The following PPP1R7 variants were observed in gnomAD, a reference collection of about 807,000 sequenced individuals.
PPP1R7 encodes the protein protein phosphatase 1 regulatory subunit 22.
In PPP1R7, 18 loss-of-function variants were observed where a neutral mutation model predicts 45.2. The observed-to-expected ratio is 0.40, with a 90% confidence interval of 0.28 to 0.59. PPP1R7 has a LOEUF of 0.59. Ranked by LOEUF, PPP1R7 falls within the 20% of genes least tolerant of loss-of-function variation. The pLI is 0.46. For missense variants in PPP1R7, 314 were observed against 455.8 expected, an observed-to-expected ratio of 0.69 and a Z score of 2.83; for synonymous variants, 181 against 183.4, an observed-to-expected ratio of 0.99 and a Z score of 0.11.
intron 9 of PPP1R7, among the ~76,000 whole-genome samples, chr2:241,172,713 C>T (rs1575403845): frequency 6.6e-6 from 1 of 150,940 alleles, no homozygotes; most frequent in East Asian, 1.9e-4. Context: ...ATTGTTTATT[C>T]TTTCGTGTGG....
At chr2:241,156,689 T>C (rs978348068) in intron 2 of PPP1R7, among the ~76,000 whole-genome samples, 1 of 152,136 alleles carries the variant, frequency 6.6e-6, no homozygotes, top group South Asian at 2.1e-4. Flanking sequence ...AAAAAATTAA[T>C]TTAAAAAAGT....
At chr2:241,173,570 G>C (rs1055101749) in intron 9 of PPP1R7, among the ~76,000 whole-genome samples, 3 of 152,160 alleles carry the variant, frequency 2.0e-5, no homozygotes, top group Non-Finnish European at 2.9e-5. Context: ...TGATGTGTCA[G>C]GGTTAACTGG....
intron 1 of PPP1R7, 76 bp from the exon 2 acceptor site, chr2:241,153,400 C>A: frequency 4.5e-6 from 7 of 1,567,598 alleles, no homozygotes; most frequent in Non-Finnish European, 6.1e-6. Flanking sequence ...TTTTGACTTA[C>A]AACCGGGTGT....
chr2:241,169,936 T>C (rs2067785450), intron 9 of PPP1R7, 69 bp downstream of exon 9: 1 of 1,263,950 alleles, frequency 7.9e-7, no homozygotes, highest in Non-Finnish European at 1.2e-6. Context: ...AAATGTCTTA[T>C]GAATGAATAC....
chr2:241,166,822 G>A (rs1199674235), intron 8 of PPP1R7, among the ~76,000 whole-genome samples: 1 of 152,158 alleles, frequency 6.6e-6, no homozygotes, highest in Non-Finnish European at 1.5e-5. Context: ...CCCTGTATGA[G>A]GGTGACTGGC....
rs1974555 is a variant in PPP1R7 at position 241,183,187 on chromosome 2, T to G, written c.*364T>G. 115,011 of 381,444 alleles carry G rather than the reference T, an allele frequency of 0.3. 19,771 individuals are homozygous for G. The highest frequency in any genetic ancestry group is 0.38 in the Middle Eastern group (414 of 1,082). The allele number at this position is 381,444 out of a possible 1,614,324, so 23.6% of individuals were successfully genotyped here. A position where few individuals can be genotyped will look rare whatever the true frequency, so the allele number is the denominator to read the frequency against. Reference sequence around the variant, plus strand: ...TGAGAGTGCTTTACAGGCATTCACGTGCTGTCCGAGTGGCATTCGGGGGCT... The same window carrying G: ...TGAGAGTGCTTTACAGGCATTCACGGGCTGTCCGAGTGGCATTCGGGGGCT... On this transcript the variant is annotated 3_prime_UTR_variant, in exon 10 of 10. Transcript: ENST00000234038.
intron 8 of PPP1R7, among the ~76,000 whole-genome samples, chr2:241,168,457 A>G (rs2067758801): frequency 6.6e-6 from 1 of 152,120 alleles, no homozygotes; most frequent in Non-Finnish European, 1.5e-5. Flanking sequence ...CGTCCGTGCT[A>G]GAGAGGCCTG....
At chr2:241,175,137 G>A (rs2067888853) in intron 9 of PPP1R7, among the ~76,000 whole-genome samples, 1 of 152,116 alleles carries the variant, frequency 6.6e-6, no homozygotes, top group Non-Finnish European at 1.5e-5. Context: ...TTAGTGTTTG[G>A]TTTACTTTGT....
chr2:241,173,084 C>A (rs2067846763), intron 9 of PPP1R7, among the ~76,000 whole-genome samples: 1 of 151,730 alleles, frequency 6.6e-6, no homozygotes, highest in African/African-American at 2.4e-5. Flanking sequence ...CCAACCTGAC[C>A]AACATGGCGA....
chr2:241,158,656 G>C, intron 4 of PPP1R7, 107 bp downstream of exon 4: 1 of 1,151,392 alleles, frequency 8.7e-7, no homozygotes, highest in East Asian at 2.4e-5. Context: ...CAGCCTGTGG[G>C]CGGCGTGGCT....
intron 1 of PPP1R7, 129 bp from the exon 2 acceptor site, chr2:241,153,347 T>C: frequency 8.0e-7 from 1 of 1,256,068 alleles, no homozygotes; most frequent in East Asian, 2.5e-5. Flanking sequence ...GACACTCAGA[T>C]GTTCGTTGAA....
intron 4 of PPP1R7, 172 bp from the exon 5 acceptor site, chr2:241,159,041 A>C: frequency 2.7e-6 from 2 of 746,452 alleles, no homozygotes; most frequent in Admixed American, 2.4e-5. Context: ...ATTATAGCTT[A>C]GTGCCCTTGC....
At chr2:241,181,127 G>A (rs1413448382) in intron 9 of PPP1R7, among the ~76,000 whole-genome samples, 1 of 152,158 alleles carries the variant, frequency 6.6e-6, no homozygotes, top group East Asian at 1.9e-4. Flanking sequence ...GAACCCAGGA[G>A]GCGGAAGTTG....
At chr2:241,150,605 C>G in intron 1 of PPP1R7, 58 bp downstream of exon 1, 1 of 1,538,252 alleles carries the variant, frequency 6.5e-7, no homozygotes, top group South Asian at 1.2e-5. Flanking sequence ...GAGCTGCGGG[C>G]TGGAACTGCT....
intron 9 of PPP1R7, among the ~76,000 whole-genome samples, chr2:241,178,185 C>T (rs1308279782): frequency 1.3e-5 from 2 of 152,232 alleles, no homozygotes; most frequent in African/African-American, 2.4e-5. Flanking sequence ...AGCATGTGTG[C>T]CTGGCCTGGG....
intron 1 of PPP1R7, among the ~76,000 whole-genome samples, chr2:241,152,233 A>C (rs535955312): frequency 6.6e-6 from 1 of 152,348 alleles, no homozygotes; most frequent in Admixed American, 6.5e-5. Flanking sequence ...GCTCCCTTCC[A>C]CAGACTAGGA....
intron 2 of PPP1R7, chr2:241,154,925 T>G (rs1367613187): frequency 6.6e-6 from 1 of 152,222 alleles, no homozygotes; most frequent in Non-Finnish European, 1.5e-5. Flanking sequence ...AACATTGTGC[T>G]CTCTGTGCCA....
At chr2:241,166,927 C>A in intron 8 of PPP1R7, 1 of 855,552 alleles carries the variant, frequency 1.2e-6, no homozygotes. Flanking sequence ...CAGTCCCAGC[C>A]CCTTCCTCTT....
chr2:241,150,400 C>A, upstream of PPP1R7: 1 of 1,356,236 alleles, frequency 7.4e-7, no homozygotes, highest in East Asian at 3.1e-5. Flanking sequence ...AGTCGCCGCG[C>A]CGGAATCCCA....
Sources: gnomAD v4.1 joint callset for allele counts (sites outside exome capture counted in the v4.1 genomes callset) on GRCh38, gnomAD v4.1.1 for gene constraint, MANE v1.5 for transcripts, NCBI Gene and HGNC (gene_info 2026-07-23, HGNC 2026-07-21) for gene names.